Variants in FRAS1 observed in about 807,000 individuals in gnomAD.
FRAS1 encodes Fraser extracellular matrix complex subunit 1, also known as extracellular matrix organizing protein FRAS1.
FRAS1 carries 290 observed loss-of-function variants against 435.2 expected under a neutral mutation model. The observed-to-expected ratio is 0.67, with a 90% CI of 0.61 to 0.73. The LOEUF is 0.73. FRAS1 is among the 30% of genes least tolerant of loss of function. The pLI, the probability that FRAS1 is intolerant of heterozygous loss-of-function variation, is 0.00. For missense variants in FRAS1, 4,860 were observed against 5,001.5 expected, an observed-to-expected ratio of 0.97 and a Z score of 0.85; for synonymous variants, 1,800 against 1,851.0, an observed-to-expected ratio of 0.97 and a Z score of 0.71.
chr4:78,235,374 C>T (rs781622447), intron 2 of FRAS1, among the ~76,000 whole-genome samples: 1 of 152,186 alleles, frequency 6.6e-6, no homozygotes, highest in Non-Finnish European at 1.5e-5. Flanking sequence ...TAGCTCATCT[C>T]AGCTCTAATT....
At chr4:78,095,188 A>G (rs1251796001) in intron 2 of FRAS1, among the ~76,000 whole-genome samples, 1 of 152,248 alleles carries the variant, frequency 6.6e-6, no homozygotes, top group Non-Finnish European at 1.5e-5. Flanking sequence ...CCAAGGGAAG[A>G]AATTCTATGC....
intron 2 of FRAS1, among the ~76,000 whole-genome samples, chr4:78,088,000 G>C (rs958784598): frequency 6.6e-6 from 1 of 152,130 alleles, no homozygotes; most frequent in Non-Finnish European, 1.5e-5. Context: ...AAATCTGGAG[G>C]CATCACACTA....
intron 70 of FRAS1, among the ~76,000 whole-genome samples, chr4:78,531,362 A>T (rs541098529): frequency 5.9e-5 from 9 of 152,154 alleles, no homozygotes; most frequent in Non-Finnish European, 1.2e-4. Flanking sequence ...CCTGGCCAGA[A>T]CTTCCAATAC....
chr4:78,455,991 A>T (rs1403245426), intron 47 of FRAS1, among the ~76,000 whole-genome samples: 1 of 152,034 alleles, frequency 6.6e-6, no homozygotes, highest in Non-Finnish European at 1.5e-5. Context: ...GAGGTGGCTC[A>T]GTGATCCTCA....
chr4:78,067,745 C>G (rs1740118239), intron 2 of FRAS1, among the ~76,000 whole-genome samples: 1 of 147,954 alleles, frequency 6.8e-6, no homozygotes, highest in African/African-American at 2.5e-5. Flanking sequence ...GTCACCCAGG[C>G]TGGAGTGCAG....
chr4:78,123,755 C>T (rs1370126192), intron 2 of FRAS1, among the ~76,000 whole-genome samples: 1 of 151,982 alleles, frequency 6.6e-6, no homozygotes, highest in African/African-American at 2.4e-5. Flanking sequence ...AATGGGAGTT[C>T]GATCATGATT....
intron 29 of FRAS1, among the ~76,000 whole-genome samples, chr4:78,390,720 T>C (rs1034547098): frequency 2.0e-5 from 3 of 152,232 alleles, no homozygotes; most frequent in Non-Finnish European, 2.9e-5. Flanking sequence ...CTCTTATGGC[T>C]TCTTGTAGAT....
chr4:78,260,681 T>C (rs1726045021), intron 6 of FRAS1, among the ~76,000 whole-genome samples: 2 of 152,156 alleles, frequency 1.3e-5, no homozygotes, highest in African/African-American at 4.8e-5. Flanking sequence ...TTTTCCTAAC[T>C]GAATACCCTT....
At chr4:78,467,664 G>A (rs1719576089) in intron 50 of FRAS1, among the ~76,000 whole-genome samples, 2 of 152,112 alleles carry the variant, frequency 1.3e-5, no homozygotes, top group Admixed American at 1.3e-4. Flanking sequence ...TCTCTATAGT[G>A]GTTGTGCTAA....
Position 78,058,103 on chromosome 4 carries a change from C to CGTGTGT in FRAS1, c.76+30_76+35dup, listed in dbSNP as rs71214392. 0.025 allele frequency: 38,491 copies of CGTGTGT among 1,526,056 alleles called. 1,900 individuals are homozygous for CGTGTGT. The highest frequency in any genetic ancestry group is 0.25 in the African/African-American group (17,888 of 71,954). 94.5% of individuals were successfully genotyped at this position (1,526,056 alleles called of 1,614,324 possible). A position where few individuals can be genotyped will look rare whatever the true frequency, so the allele number is the denominator to read the frequency against. ...TTCCGAAGGTGAGAGAGCGGTGCCGCGTGTGTGTGTGTGTGTGCGTGTGCG... is the reference window on the plus strand; with the variant it reads ...TTCCGAAGGTGAGAGAGCGGTGCCGCGTGTGTGTGTGTGTGTGTGTGTGCGTGTGCG... On this transcript the variant is annotated intron_variant, in intron 1 of 73. Transcript: ENST00000512123.
In FRAS1 at chr4:78,522,520, G is replaced by T. The variant is rs1721417338; in HGVS notation, c.10649-129G>T. On this transcript the variant is annotated intron_variant, in intron 68 of 73. Coordinates refer to ENST00000512123, the MANE Select transcript of FRAS1 (RefSeq NM_025074.7). ...GGAATATATTCTAAGGGGCAAAATG[G>T]GCTAAGCTTAGTTGTTTGAGAGAAG... The T allele has an allele frequency of 5.1e-6, 4 of 788,470 alleles. No individual in the cohort carries two copies. In the South Asian group the frequency reaches 7.0e-5, roughly 14 times the overall value. The allele number at this position is 788,470 out of a possible 1,614,324, so 48.8% of individuals were successfully genotyped here.
At chr4:78,484,803 C>G (rs1011349617) in intron 58 of FRAS1, among the ~76,000 whole-genome samples, 6 of 152,106 alleles carry the variant, frequency 3.9e-5, no homozygotes, top group Admixed American at 6.5e-5. Context: ...AATAGGTCAC[C>G]CAATGTCTAG....
At chr4:78,093,510 C>T (rs1331868711) in intron 2 of FRAS1, among the ~76,000 whole-genome samples, 1 of 152,148 alleles carries the variant, frequency 6.6e-6, no homozygotes, top group African/African-American at 2.4e-5. Context: ...ATTAAGATTT[C>T]AGAAGAGCAG....
intron 59 of FRAS1, among the ~76,000 whole-genome samples, chr4:78,492,905 C>T (rs1720404467): frequency 6.6e-6 from 1 of 152,082 alleles, no homozygotes; most frequent in South Asian, 2.1e-4. Flanking sequence ...TGCAATCTAT[C>T]CATCTGACAA....
intron 54 of FRAS1, among the ~76,000 whole-genome samples, chr4:78,477,002 A>G (rs868075170): frequency 6.6e-6 from 1 of 151,842 alleles, no homozygotes; most frequent in African/African-American, 2.4e-5. Flanking sequence ...AAAAAAAAAA[A>G]AACAAAGTAA....
chr4:78,280,198 A>G (rs1727265023), intron 10 of FRAS1, among the ~76,000 whole-genome samples: 1 of 152,224 alleles, frequency 6.6e-6, no homozygotes, highest in Non-Finnish European at 1.5e-5. Flanking sequence ...GGCATATTCA[A>G]GTTGCCAGCA....
In FRAS1 at chr4:78,509,006, G is replaced by C. The variant is rs1366645088; in HGVS notation, c.9780G>C (p.Met3260Ile). ...DNTPFTSVNH[M>I]VLDSIYFSRR... ...CACCATTCACCAGTGTCAACCACATGGTAGGTCTGGGGGTCTGGGCCTGGT... is the reference window on the plus strand; with the variant it reads ...CACCATTCACCAGTGTCAACCACATCGTAGGTCTGGGGGTCTGGGCCTGGT... Residue 3260 changes from methionine to isoleucine, a missense_variant and splice_region_variant, in exon 63 of 74, where the codon ATG becomes ATC. By Grantham distance (10) the Met-to-Ile change is conservative. Transcript: ENST00000512123. 3.1e-6 allele frequency: 5 copies of C among 1,613,812 alleles called. No homozygotes were observed. The African/African-American group carries it at 6.7e-5, about 22-fold the overall frequency.
chr4:78,137,768 T>C (rs1269827729), intron 2 of FRAS1, among the ~76,000 whole-genome samples: 5 of 152,248 alleles, frequency 3.3e-5, no homozygotes, highest in Non-Finnish European at 7.3e-5. Context: ...GGAGTTAGGA[T>C]GCACTGGGTT....
intron 4 of FRAS1, among the ~76,000 whole-genome samples, chr4:78,251,710 T>C (rs1231110170): frequency 6.6e-6 from 1 of 152,222 alleles, no homozygotes; most frequent in Non-Finnish European, 1.5e-5. Context: ...CATTTTATTA[T>C]TATAGATCAA....
Sources: gnomAD v4.1 joint callset for allele counts (sites outside exome capture counted in the v4.1 genomes callset) on GRCh38, gnomAD v4.1.1 for gene constraint, MANE v1.5 for transcripts, NCBI Gene and HGNC (gene_info 2026-07-23, HGNC 2026-07-21) for gene names.